The following CRISPLD2 variants were observed in gnomAD, a reference collection of about 807,000 sequenced individuals.
CRISPLD2 encodes cysteine-rich secretory protein LCCL domain-containing 2.
In CRISPLD2, 47 loss-of-function variants were observed where a neutral mutation model predicts 71.1. The ratio of observed to expected loss-of-function variants is 0.66; its 90% CI spans 0.52 to 0.84. The LOEUF is 0.84. Among genes scored for constraint, CRISPLD2 ranks in the 40% least tolerant of loss-of-function variants. CRISPLD2 has a pLI of 0.00. For missense variants in CRISPLD2, 830 were observed against 651.1 expected (o/e 1.27, Z -2.99); for synonymous variants, 317 against 250.1 (o/e 1.27, Z -2.52).
chr16:84,871,608 G>A (rs564354096), intron 8 of CRISPLD2, among the ~76,000 whole-genome samples: 1 of 151,976 alleles, frequency 6.6e-6, no homozygotes, highest in South Asian at 2.1e-4. Context: ...CTGGAGTGCA[G>A]TGGCACGATC....
chr16:84,832,755 C>T (rs1354105930), intron 1 of CRISPLD2, among the ~76,000 whole-genome samples: 2 of 152,214 alleles, frequency 1.3e-5, no homozygotes, highest in Non-Finnish European at 2.9e-5. Context: ...CAGGCTAAGT[C>T]CCGAGATTCA....
At chr16:84,868,241 T>C (rs1917596285) in intron 7 of CRISPLD2, among the ~76,000 whole-genome samples, 1 of 152,256 alleles carries the variant, frequency 6.6e-6, no homozygotes, top group African/African-American at 2.4e-5. Flanking sequence ...CGGAGGCCCT[T>C]GTCTGTCCAG....
intron 5 of CRISPLD2, among the ~76,000 whole-genome samples, chr16:84,851,604 G>A (rs1917091800): frequency 6.6e-6 from 1 of 152,226 alleles, no homozygotes; most frequent in African/African-American, 2.4e-5. Flanking sequence ...ACCATCTGGT[G>A]TGCCTGCGGT....
chr16:84,863,671 A>G (rs1917451431), intron 6 of CRISPLD2, among the ~76,000 whole-genome samples: 2 of 152,202 alleles, frequency 1.3e-5, no homozygotes, highest in African/African-American at 4.8e-5. Flanking sequence ...AGGTTGACAG[A>G]AGAAAATGCT....
rs749787415 is a variant in CRISPLD2 at position 84,849,482 on chromosome 16, A to G, written c.457A>G (p.Arg153Gly). 23 of 1,613,996 alleles carry G rather than the reference A, an allele frequency of 1.4e-5. No homozygotes were observed. In the Admixed American group the frequency reaches 2.5e-4, roughly 18 times the overall value. Residue 153 changes from arginine (R) to glycine (G), a missense_variant, in exon 4 of 15, where the codon AGG (arginine) becomes GGG (glycine). Arg to Gly is a moderately radical substitution (Grantham distance 125). Transcript: ENST00000262424. ...PSECNPWCPE[R>G]CSGPMCTHYT... ...CGAGTGCAACCCCTGGTGTCCAGAG[A>G]GGTGCTCGGGGCCCATGTGCACGCA...
At chr16:84,852,646 G>C (rs2143223351) in intron 5 of CRISPLD2, among the ~76,000 whole-genome samples, 1 of 152,310 alleles carries the variant, frequency 6.6e-6, no homozygotes, top group Middle Eastern at 3.4e-3. Context: ...AGGGTGGCTG[G>C]GAGGGTGAGT....
In CRISPLD2 at chr16:84,901,881, C is replaced by T. The variant is rs192365580; in HGVS notation, c.1440-4707C>T. ...TGATCTCGGCTCGTTGTAACCTCCA[C>T]CTCCTGGGTTCAAATGATTCTCCTG... On this transcript the variant is annotated intron_variant, in intron 14 of 14. Coordinates refer to ENST00000262424, the MANE Select transcript of CRISPLD2 (RefSeq NM_031476.4). Among the ~76,000 whole-genome samples the T allele has an allele frequency of 2.5e-3, 358 of 145,016 alleles. 1 individual carries two copies. The highest frequency in any genetic ancestry group is 3.7e-3 in the Non-Finnish European group (244 of 66,108).
chr16:84,856,864 G>C (rs1412982045), intron 6 of CRISPLD2, among the ~76,000 whole-genome samples: 1 of 152,194 alleles, frequency 6.6e-6, no homozygotes, highest in Non-Finnish European at 1.5e-5. Context: ...TGAGTGCCTT[G>C]GTCAGAAGCC....
At position 84,859,649 on chromosome 16, in the gene CRISPLD2, C is replaced by G. The variant is rs188115042; in HGVS notation, c.709+4820C>G. ...CAAATTAGTCTTTTGTCCACTCAAT[C>G]TGGAAGTTTTCTGCTTATGTAAATT... On this transcript the variant is annotated intron_variant, in intron 6 of 14. Coordinates refer to ENST00000262424, the MANE Select transcript of CRISPLD2 (RefSeq NM_031476.4). Among the ~76,000 whole-genome samples the G allele has an allele frequency of 3.7e-3, 563 of 152,304 alleles. 2 individuals are homozygous for G. Among genetic ancestry groups the G allele is most frequent in the African/African-American group, 0.012 (508 of 41,554 alleles).
chr16:84,847,048 G>T (rs1916933901), intron 3 of CRISPLD2, among the ~76,000 whole-genome samples: 1 of 152,226 alleles, frequency 6.6e-6, no homozygotes, highest in Non-Finnish European at 1.5e-5. Flanking sequence ...ACCGTGCCAT[G>T]CCCAAGGCCA....
intron 13 of CRISPLD2, among the ~76,000 whole-genome samples, chr16:84,887,130 A>T (rs1326021280): frequency 6.6e-6 from 1 of 152,138 alleles, no homozygotes; most frequent in Non-Finnish European, 1.5e-5. Flanking sequence ...CTGGGACTTC[A>T]TCTTCTCCCC....
At chr16:84,825,398 A>T (rs1210737300) in intron 1 of CRISPLD2, among the ~76,000 whole-genome samples, 1 of 152,168 alleles carries the variant, frequency 6.6e-6, no homozygotes, top group African/African-American at 2.4e-5. Flanking sequence ...TGCTGTCTCT[A>T]CAAAAAATTT....
Position 84,874,820 on chromosome 16 carries a change from T to A in CRISPLD2, c.1156+857T>A, listed in dbSNP as rs552410309. On this transcript the variant is annotated intron_variant, in intron 11 of 14. Coordinates refer to ENST00000262424, the MANE Select transcript of CRISPLD2 (RefSeq NM_031476.4). ...GCCAGAGATAACCATCGTGAACACTTTGGCAAATATTCCAGTTTGTTTTCT... is the reference window on the plus strand; with the variant it reads ...GCCAGAGATAACCATCGTGAACACTATGGCAAATATTCCAGTTTGTTTTCT... Among the ~76,000 whole-genome samples, 20 of 152,332 alleles carry A rather than the reference T, an allele frequency of 1.3e-4. No homozygotes were observed. In the South Asian group the frequency reaches 4.1e-3, roughly 32 times the overall value.
intron 3 of CRISPLD2, 68 bp from the exon 4 acceptor site, chr16:84,849,317 G>C: frequency 6.8e-7 from 1 of 1,469,612 alleles, no homozygotes; most frequent in South Asian, 1.3e-5. Context: ...CCTGCCCGTG[G>C]CTGCTGCTGT....
chr16:84,891,333 C>T (rs762834952), intron 14 of CRISPLD2, among the ~76,000 whole-genome samples: 1 of 152,206 alleles, frequency 6.6e-6, no homozygotes. Context: ...CTTTGTGCAG[C>T]GGGCTTGCCC....
Position 84,869,137 on chromosome 16 carries a change from C to T in CRISPLD2, c.914+226C>T, listed in dbSNP as rs901797942. Among the ~76,000 whole-genome samples the T allele has an allele frequency of 2.0e-5, 3 of 152,208 alleles. No individual in the cohort carries two copies. In the East Asian group the frequency reaches 5.8e-4, roughly 29 times the overall value. ...TGCTGCAGGATCTGAGCAGGCTGCT[C>T]CCAGTGGGCCCCACCAGACAGATGG... On this transcript the variant is annotated intron_variant, in intron 8 of 14. Transcript: ENST00000262424.
intron 13 of CRISPLD2, among the ~76,000 whole-genome samples, chr16:84,881,346 C>G (rs138693772): frequency 6.6e-6 from 1 of 152,354 alleles, no homozygotes; most frequent in African/African-American, 2.4e-5. Context: ...TTATACCAAT[C>G]TCTTCCTCTG....
chr16:84,881,490 C>T (rs1198721286), intron 13 of CRISPLD2, among the ~76,000 whole-genome samples: 1 of 152,178 alleles, frequency 6.6e-6, no homozygotes, highest in African/African-American at 2.4e-5. Context: ...ACTGTGGTCC[C>T]ACTTCTGCTG....
chr16:84,897,194 G>A (rs2968150), intron 14 of CRISPLD2, among the ~76,000 whole-genome samples: 93,199 of 151,810 alleles, frequency 0.61, 29,202 homozygotes, highest in East Asian at 0.82. Context: ...CTGTAATCCA[G>A]GTACATTGGG....
Sources: allele counts gnomAD v4.1 joint callset (sites outside exome capture counted in the v4.1 genomes callset), GRCh38; gene constraint gnomAD v4.1.1; transcripts MANE v1.5; gene names NCBI Gene and HGNC (gene_info 2026-07-23, HGNC 2026-07-21).